ADAMTS18: variants seen among roughly 807,000 people sequenced by gnomAD.
The protein encoded by ADAMTS18 is ADAM metallopeptidase with thrombospondin type 1 motif 18, also known as A disintegrin and metalloproteinase with thrombospondin motifs 18.
In ADAMTS18, 157 loss-of-function variants were observed where a neutral mutation model predicts 165.9. The observed-to-expected ratio is 0.95, with a 90% CI of 0.83 to 1.08. The LOEUF (loss-of-function observed/expected upper bound fraction) is 1.08, where lower values mean the gene tolerates loss of function less well. ADAMTS18 is among the 50% of genes least tolerant of loss of function. The pLI is 0.00. For missense variants in ADAMTS18, 2,040 were observed against 1,534.0 expected (o/e 1.33, Z -5.51); for synonymous variants, 782 against 578.2 (o/e 1.35, Z -5.06).
At chr16:77,298,092 T>C (rs1466950789) in intron 17 of ADAMTS18, among the ~76,000 whole-genome samples, 3 of 151,766 alleles carry the variant, frequency 2.0e-5, no homozygotes, top group Non-Finnish European at 2.9e-5. Context: ...ACCCAGCTAA[T>C]TTTTGTATTT....
intron 16 of ADAMTS18, among the ~76,000 whole-genome samples, chr16:77,309,633 C>G (rs1449175695): frequency 1.3e-5 from 2 of 152,184 alleles, no homozygotes; most frequent in African/African-American, 4.8e-5. Context: ...AAAGTTTTGA[C>G]ATATAAAAAT....
At position 77,367,592 on chromosome 16, in the gene ADAMTS18, C is replaced by T. The variant is rs2056816178; in HGVS notation, c.627G>A (p.Glu209=). 1 of 1,614,236 alleles carries T rather than the reference C, an allele frequency of 6.2e-7. No individual in the cohort carries two copies. Among genetic ancestry groups the T allele is most frequent in the Non-Finnish European group, 8.5e-7 (1 of 1,180,036 alleles). ...PHVLYKRTAE[E]KIQRYRGYPG... ...GGTAGCCACGGTACCGCTGGATCTT[C>T]TCCTCTGCTGTCCTTTTGTACAGTA... Residue 209 remains glutamate, a synonymous_variant, in exon 4 of 23, where the codon GAG becomes GAA. Coordinates refer to ENST00000282849, the MANE Select transcript of ADAMTS18 (RefSeq NM_199355.4).
At chr16:77,400,200 G>A (rs1212098683) in intron 3 of ADAMTS18, among the ~76,000 whole-genome samples, 1 of 152,136 alleles carries the variant, frequency 6.6e-6, no homozygotes, top group Non-Finnish European at 1.5e-5. Context: ...CTCAGCTCCA[G>A]CTGCAGTAGA....
At chr16:77,370,479 G>A (rs960724419) in intron 3 of ADAMTS18, among the ~76,000 whole-genome samples, 1 of 152,188 alleles carries the variant, frequency 6.6e-6, no homozygotes, top group African/African-American at 2.4e-5. Context: ...GCCAAGTGCA[G>A]TGGCTCACAC....
rs973462177 is a variant in ADAMTS18, at chr16:77,293,361, A to G, written c.3007-103T>C. ...AATATATTCCTGTGAAAGGTGGGAT[A>G]AACTCCATGAACTAAAGCTCTTTTT... On this transcript the variant is annotated intron_variant, in intron 19 of 22. Coordinates refer to ENST00000282849, the MANE Select transcript of ADAMTS18 (RefSeq NM_199355.4). 3.8e-6 allele frequency: 4 copies of G among 1,039,180 alleles called. No homozygotes were observed. In the Admixed American group the frequency reaches 7.8e-5, roughly 20 times the overall value. The allele number at this position is 1,039,180 out of a possible 1,614,324, so 64.4% of individuals were successfully genotyped here.
intron 10 of ADAMTS18, among the ~76,000 whole-genome samples, chr16:77,344,753 A>C (rs959223531): frequency 6.6e-6 from 1 of 152,060 alleles, no homozygotes; most frequent in Non-Finnish European, 1.5e-5. Flanking sequence ...CAAAAAAAAA[A>C]ACACAGGGAT....
In ADAMTS18 at chr16:77,431,343, G is replaced by C. The variant is rs1349012498; in HGVS notation, c.447C>G (p.Ile149Met). ...EVQQCFYQGF[I>M]RNDSSSSVAV... ...CGACAGAGGAGGAGCTGTCATTTCT[G>C]ATAAATCCCTGATAGAAGCATTGCT... The change falls in exon 3 of 23, where the codon ATC (isoleucine) becomes ATG (methionine). Residue 149 changes from isoleucine to methionine, a missense_variant. Transcript: ENST00000282849. 6.2e-7 allele frequency: 1 copy of C among 1,614,156 alleles called. No homozygotes were observed. Among genetic ancestry groups the C allele is most frequent in the East Asian group, 2.2e-5 (1 of 44,878 alleles).
At position 77,322,427 on chromosome 16, in the gene ADAMTS18, A is replaced by G. The variant is rs768952410; in HGVS notation, c.2072T>C (p.Phe691Ser). The G allele has an allele frequency of 2.5e-6, 4 of 1,614,078 alleles. No homozygotes were observed. Among genetic ancestry groups the G allele is most frequent in the East Asian group, 2.2e-5 (1 of 44,866 alleles). ...GCCGGACATTGCAAAAAAAAATTCAAAGTTCTCAGCCTTGCAGTACAGTTT... is the reference window on the plus strand; with the variant it reads ...GCCGGACATTGCAAAAAAAAATTCAGAGTTCTCAGCCTTGCAGTACAGTTT... ...RCKLYCKAEN[F>S]EFFFAMSGKV... is the part of the protein sequence containing the mutation. The change falls in exon 14 of 23, where the codon TTT (phenylalanine) becomes TCT (serine). Residue 691 changes from phenylalanine to serine, a missense_variant. Phe to Ser is a radical substitution (Grantham distance 155, BLOSUM62 -2). Transcript: ENST00000282849.
chr16:77,293,260 T>C lies in ADAMTS18; in HGVS notation c.3007-2A>G. On this transcript the variant is annotated splice_acceptor_variant, in intron 19 of 22. Transcript: ENST00000282849. LOFTEE classifies it high-confidence loss of function. ...CCCTCGTCCACAGGTCTTGGAACAC[T>C]TGAGAAGACAAAAAAGTTCTATTTG... is the stretch of plus-strand genomic sequence containing the variant. 6.2e-7 allele frequency: 1 copy of C among 1,613,412 alleles called. No homozygotes were observed. The highest frequency in any genetic ancestry group is 8.5e-7 in the Non-Finnish European group (1 of 1,179,766).
At chr16:77,432,509 ACT>A (rs901523248) in intron 2 of ADAMTS18, 1 of 152,216 alleles carries the variant, frequency 6.6e-6, no homozygotes, top group African/African-American at 2.4e-5. Context: ...AAGCCAGCAC[ACT>A]GTTTTCTTTC....
intron 3 of ADAMTS18, among the ~76,000 whole-genome samples, chr16:77,415,535 C>T (rs1428840): frequency 0.59 from 89,869 of 151,790 alleles, 27,590 homozygotes; most frequent in Middle Eastern, 0.73. Flanking sequence ...TTATTGGCAC[C>T]GATCTTGTTG....
chr16:77,424,621 T>C (rs1255778152), intron 3 of ADAMTS18, among the ~76,000 whole-genome samples: 3 of 152,228 alleles, frequency 2.0e-5, no homozygotes, highest in African/African-American at 7.2e-5. Context: ...TGATCTGGCA[T>C]TTTGCTTCAA....
chr16:77,400,480 GTTTTGTTTTTT>G (rs1455080325), intron 3 of ADAMTS18, among the ~76,000 whole-genome samples: 4 of 104,086 alleles, frequency 3.8e-5, no homozygotes, highest in African/African-American at 1.3e-4. Flanking sequence ...GTGTGTGTGT[GTTTTGTTTTTT>G]TTTTTTTTGA....
chr16:77,432,901 T>C (rs954811329), intron 2 of ADAMTS18, among the ~76,000 whole-genome samples: 3 of 152,186 alleles, frequency 2.0e-5, no homozygotes, highest in Non-Finnish European at 4.4e-5. Context: ...TTATGAACCA[T>C]CTGTGACTTA....
At chr16:77,369,151 T>C (rs1208911896) in intron 3 of ADAMTS18, among the ~76,000 whole-genome samples, 2 of 152,228 alleles carry the variant, frequency 1.3e-5, no homozygotes, top group Non-Finnish European at 2.9e-5. Context: ...GCTTTATTGA[T>C]ATCCTCACAT....
intron 22 of ADAMTS18, among the ~76,000 whole-genome samples, chr16:77,287,718 C>T (rs954096261): frequency 2.7e-4 from 41 of 152,152 alleles, no homozygotes; most frequent in African/African-American, 7.2e-4. Context: ...GTGATCCACC[C>T]GCCTCAGCCT....
chr16:77,344,473 T>C (rs1166295698), intron 10 of ADAMTS18, among the ~76,000 whole-genome samples: 1 of 152,068 alleles, frequency 6.6e-6, no homozygotes, highest in Non-Finnish European at 1.5e-5. Flanking sequence ...AATCAATCAA[T>C]GTGGGTAAGA....
chr16:77,295,660 T>C (rs994446749), intron 18 of ADAMTS18, among the ~76,000 whole-genome samples: 12 of 152,130 alleles, frequency 7.9e-5, no homozygotes, highest in African/African-American at 2.4e-4. Context: ...GAGGGGTACA[T>C]TTAGAGAAGG....
intron 3 of ADAMTS18, among the ~76,000 whole-genome samples, chr16:77,379,724 C>G (rs1042829969): frequency 1.5e-4 from 23 of 152,218 alleles, no homozygotes; most frequent in African/African-American, 5.5e-4. Context: ...TTCCTGACCT[C>G]AAGTAATCCA....
Sources: allele counts gnomAD v4.1 joint callset (sites outside exome capture counted in the v4.1 genomes callset), GRCh38; gene constraint gnomAD v4.1.1; transcripts MANE v1.5; gene names NCBI Gene and HGNC (gene_info 2026-07-23, HGNC 2026-07-21).